The following KLHL1 variants were observed in gnomAD, a reference collection of about 807,000 sequenced individuals.
KLHL1 encodes the protein kelch-like protein 1.
In KLHL1, 47 loss-of-function variants were observed where a neutral mutation model predicts 77.7. The observed-to-expected ratio is 0.60, with a 90% CI of 0.48 to 0.77. The LOEUF is 0.77. KLHL1 is among the 30% of genes least tolerant of loss of function. The pLI is 0.00. For synonymous variants in KLHL1, 360 were observed against 325.2 expected, an observed-to-expected ratio of 1.11 and a Z score of -1.15; for missense variants, 925 against 910.8, an observed-to-expected ratio of 1.02 and a Z score of -0.20.
chr13:69,861,181 A>T (rs949100324), intron 5 of KLHL1, among the ~76,000 whole-genome samples: 1 of 152,116 alleles, frequency 6.6e-6, no homozygotes, highest in Non-Finnish European at 1.5e-5. Context: ...GTCAACTGAT[A>T]AGTGAAATTA....
chr13:69,951,824 A>G (rs937826246), intron 3 of KLHL1, among the ~76,000 whole-genome samples: 3 of 151,370 alleles, frequency 2.0e-5, no homozygotes, highest in African/African-American at 7.3e-5. Context: ...TGAAATCTTC[A>G]CATCTCATAA....
intron 1 of KLHL1, among the ~76,000 whole-genome samples, chr13:70,084,668 G>A (rs1887487995): frequency 1.2e-5 from 1 of 81,510 alleles, no homozygotes; most frequent in Non-Finnish European, 2.3e-5. Flanking sequence ...GTAGAGACGG[G>A]GTTTCACTGT....
At chr13:69,968,404 T>C (rs537761867) in intron 2 of KLHL1, among the ~76,000 whole-genome samples, 94 of 150,382 alleles carry the variant, frequency 6.3e-4, no homozygotes, top group Non-Finnish European at 1.0e-3. Flanking sequence ...TTTGGTGACT[T>C]GCTTAATTGC....
At chr13:69,773,108 C>T (rs1030739568) in intron 7 of KLHL1, among the ~76,000 whole-genome samples, 1 of 151,848 alleles carries the variant, frequency 6.6e-6, no homozygotes, top group East Asian at 1.9e-4. Flanking sequence ...TGTGCAATGT[C>T]CTCTAATGGA....
At chr13:69,826,012 T>C (rs879617878) in intron 6 of KLHL1, among the ~76,000 whole-genome samples, 4 of 152,188 alleles carry the variant, frequency 2.6e-5, no homozygotes, top group African/African-American at 4.8e-5. Context: ...TTATTTATTT[T>C]GTGTCTAAAA....
chr13:70,022,236 T>C (rs1379291481), intron 1 of KLHL1, among the ~76,000 whole-genome samples: 2 of 151,834 alleles, frequency 1.3e-5, no homozygotes, highest in Admixed American at 1.3e-4. Context: ...AAACACTTTT[T>C]CCCTCTTTGC....
intron 7 of KLHL1, among the ~76,000 whole-genome samples, chr13:69,761,682 T>TA (rs891659979): frequency 7.2e-5 from 11 of 152,192 alleles, no homozygotes; most frequent in African/African-American, 2.7e-4. Context: ...ATAACGCATT[T>TA]AATAAATGTG....
intron 4 of KLHL1, among the ~76,000 whole-genome samples, chr13:69,902,006 G>T (rs1005440074): frequency 3.3e-5 from 5 of 151,976 alleles, no homozygotes; most frequent in Non-Finnish European, 7.4e-5. Flanking sequence ...CTCCATCTTG[G>T]TCAGGCTGGT....
chr13:69,857,737 T>C (rs1043582101), intron 5 of KLHL1, among the ~76,000 whole-genome samples: 5 of 151,844 alleles, frequency 3.3e-5, no homozygotes, highest in African/African-American at 4.8e-5. Flanking sequence ...AGTAGAAAAA[T>C]AGTTAATATA....
chr13:69,769,648 T>G (rs907146529), intron 7 of KLHL1, among the ~76,000 whole-genome samples: 1 of 152,106 alleles, frequency 6.6e-6, no homozygotes, highest in African/African-American at 2.4e-5. Context: ...AGCCTGTGCC[T>G]CCTCATTCCA....
chr13:69,785,125 C>G (rs1376335448), intron 7 of KLHL1, among the ~76,000 whole-genome samples: 2 of 151,772 alleles, frequency 1.3e-5, no homozygotes, highest in Non-Finnish European at 1.5e-5. Context: ...ATCTCCTGAC[C>G]TCGTGATCCG....
chr13:69,825,100 A>T (rs1878493625), intron 6 of KLHL1, among the ~76,000 whole-genome samples: 1 of 152,128 alleles, frequency 6.6e-6, no homozygotes. Flanking sequence ...GAGAATATGG[A>T]TGTTAACTGT....
intron 7 of KLHL1, among the ~76,000 whole-genome samples, chr13:69,794,029 C>T (rs1367913983): frequency 6.6e-6 from 1 of 152,074 alleles, no homozygotes; most frequent in Non-Finnish European, 1.5e-5. Context: ...GCCATCAGAG[C>T]CCAGCTTGAA....
At chr13:69,723,347 G>A (rs777845493) in intron 8 of KLHL1, among the ~76,000 whole-genome samples, 32 of 152,120 alleles carry the variant, frequency 2.1e-4, no homozygotes, top group Non-Finnish European at 4.0e-4. Flanking sequence ...ACAAAGTAAT[G>A]ATACATGTTT....
chr13:70,074,733 C>G lies in KLHL1; in HGVS notation c.497+32470G>C, dbSNP rs75752906. On this transcript the variant is annotated intron_variant, in intron 1 of 10. Coordinates refer to ENST00000377844, the MANE Select transcript of KLHL1 (RefSeq NM_020866.3). ...AGCCATATTCAGTGAAACTTTAACC[C>G]GAGCAAGCAAGAAAAAAAAAAAATT... 9.0e-3 allele frequency among the ~76,000 whole-genome samples: 957 copies of G among 106,536 alleles called. 17 individuals are homozygous for G. Among genetic ancestry groups the G allele is most frequent in the African/African-American group, 0.029 (870 of 29,622 alleles). 69.9% of individuals were successfully genotyped at this position (106,536 alleles called of 152,430 possible). A position where few individuals can be genotyped will look rare whatever the true frequency, so the allele number is the denominator to read the frequency against.
At chr13:69,939,376 T>TAC (rs1289855592) in intron 4 of KLHL1, among the ~76,000 whole-genome samples, 985 of 48,402 alleles carry the variant, frequency 0.02, 16 homozygotes, top group African/African-American at 0.037. Flanking sequence ...TATATATATA[T>TAC]ATACACACAC....
intron 1 of KLHL1, among the ~76,000 whole-genome samples, chr13:70,043,278 TAAG>T (rs1886421673): frequency 1.3e-5 from 2 of 152,000 alleles, no homozygotes; most frequent in Non-Finnish European, 2.9e-5. Flanking sequence ...AGTTATATAA[TAAG>T]AAAAAATATA....
At chr13:70,102,938 C>A (rs1305708712) in intron 1 of KLHL1, among the ~76,000 whole-genome samples, 1 of 152,174 alleles carries the variant, frequency 6.6e-6, no homozygotes, top group Non-Finnish European at 1.5e-5. Flanking sequence ...GTAAAACAGA[C>A]ATACTCCTCT....
intron 8 of KLHL1, among the ~76,000 whole-genome samples, chr13:69,739,318 G>T (rs373999211): frequency 1.3e-5 from 2 of 152,308 alleles, no homozygotes; most frequent in East Asian, 3.9e-4. Flanking sequence ...ATACAGACCA[G>T]TGACACTATG....
Sources: allele counts gnomAD v4.1 joint callset (sites outside exome capture counted in the v4.1 genomes callset), GRCh38; gene constraint gnomAD v4.1.1; transcripts MANE v1.5; gene names NCBI Gene and HGNC (gene_info 2026-07-23, HGNC 2026-07-21).